Variants in PIGU observed in about 807,000 individuals in gnomAD.
PIGU encodes the protein phosphatidylinositol glycan anchor biosynthesis class U.
PIGU carries 24 observed loss-of-function variants against 49.9 expected under a neutral mutation model. The observed-to-expected ratio is 0.48, with a 90% CI of 0.35 to 0.68. The LOEUF is 0.68. PIGU is among the 30% of genes least tolerant of loss of function. The pLI is 0.01. For synonymous variants in PIGU, 220 were observed against 205.7 expected (o/e 1.07, Z -0.59); for missense variants, 490 against 532.6 (o/e 0.92, Z 0.79).
chr20:34,585,456 G>A lies in PIGU; in HGVS notation c.907C>T (p.Pro303Ser). 1 of 1,614,190 alleles carries A rather than the reference G, an allele frequency of 6.2e-7. No individual in the cohort carries two copies. The highest frequency in any genetic ancestry group is 8.5e-7 in the Non-Finnish European group (1 of 1,179,996). Residue 303 changes from proline (P) to serine (S), a missense_variant, in exon 9 of 12, where the codon CCC becomes TCC. Physicochemically the swap from Pro to Ser is moderately conservative, Grantham distance 74. Transcript: ENST00000217446. ...FQINVFFYTIPLAIKLKEHPI... is the reference protein window; with the variant it reads ...FQINVFFYTISLAIKLKEHPI... Reference sequence around the variant, plus strand: ...ACTTACTTTAGCTTTATGGCTAAGGGGATGGTGTAGAAGAAGACGTTGATC... The same window carrying A: ...ACTTACTTTAGCTTTATGGCTAAGGAGATGGTGTAGAAGAAGACGTTGATC...
chr20:34,645,422 T>C, intron 2 of PIGU, 88 bp from the exon 3 acceptor site: 2 of 1,407,710 alleles, frequency 1.4e-6, no homozygotes, highest in Non-Finnish European at 1.9e-6. Flanking sequence ...AGAAAACTAT[T>C]ATGTCAGCAA....
At chr20:34,618,877 C>T (rs1985105302) in intron 6 of PIGU, among the ~76,000 whole-genome samples, 1 of 152,206 alleles carries the variant, frequency 6.6e-6, no homozygotes, top group Non-Finnish European at 1.5e-5. Context: ...TACCCCTCTG[C>T]TAATCCAGCT....
At chr20:34,564,132 G>A (rs1036566488) in intron 11 of PIGU, among the ~76,000 whole-genome samples, 2 of 152,172 alleles carry the variant, frequency 1.3e-5, no homozygotes, top group Non-Finnish European at 2.9e-5. Context: ...TGGACCTCTC[G>A]ATGGGGTCCT....
intron 1 of PIGU, among the ~76,000 whole-genome samples, chr20:34,660,333 C>A (rs971982249): frequency 1.3e-5 from 2 of 152,058 alleles, no homozygotes; most frequent in African/African-American, 2.4e-5. Context: ...GCCTGTAATC[C>A]CAGCACTTTG....
At chr20:34,571,577 T>A (rs552465590) in intron 11 of PIGU, among the ~76,000 whole-genome samples, 2 of 152,224 alleles carry the variant, frequency 1.3e-5, no homozygotes, top group East Asian at 3.9e-4. Context: ...CCAGGCACCT[T>A]CCTAGCTCAC....
chr20:34,574,446 T>C (rs1017252412), intron 11 of PIGU, among the ~76,000 whole-genome samples: 1 of 152,156 alleles, frequency 6.6e-6, no homozygotes, highest in African/African-American at 2.4e-5. Flanking sequence ...AGGATTTTGA[T>C]TGAGAATCCT....
At chr20:34,593,434 A>T (rs530938437) in intron 7 of PIGU, among the ~76,000 whole-genome samples, 2 of 152,306 alleles carry the variant, frequency 1.3e-5, no homozygotes, top group African/African-American at 2.4e-5. Context: ...AACACTGATT[A>T]AAAAAATCAT....
At chr20:34,615,895 T>C (rs1425350143) in intron 7 of PIGU, 147 bp downstream of exon 7, 23 of 1,326,590 alleles carry the variant, frequency 1.7e-5, no homozygotes, top group Non-Finnish European at 2.3e-5. Context: ...TGTTTAAAGT[T>C]AGTCAAGTTT....
intron 6 of PIGU, among the ~76,000 whole-genome samples, chr20:34,621,725 G>C (rs1344619964): frequency 6.6e-6 from 1 of 152,178 alleles, no homozygotes; most frequent in African/African-American, 2.4e-5. Flanking sequence ...AGGAAAGTGA[G>C]AAGTGACTTC....
At chr20:34,600,814 C>A (rs1173228493) in intron 7 of PIGU, among the ~76,000 whole-genome samples, 1 of 152,112 alleles carries the variant, frequency 6.6e-6, no homozygotes, top group African/African-American at 2.4e-5. Flanking sequence ...GCAGGTAGAT[C>A]ACCTGAGGTT....
chr20:34,638,434 G>A (rs1028708534), intron 4 of PIGU, among the ~76,000 whole-genome samples: 4 of 152,308 alleles, frequency 2.6e-5, no homozygotes, highest in Middle Eastern at 3.4e-3. Context: ...AGAGTTCCAT[G>A]AGGGCAGGGA....
At chr20:34,627,254 T>C (rs957929737) in intron 6 of PIGU, among the ~76,000 whole-genome samples, 2 of 152,186 alleles carry the variant, frequency 1.3e-5, no homozygotes, top group Non-Finnish European at 2.9e-5. Flanking sequence ...ATTTATAGGT[T>C]TGAATTTCTT....
chr20:34,645,467 G>C (rs1986313032), intron 2 of PIGU, 133 bp from the exon 3 acceptor site: 1 of 1,222,954 alleles, frequency 8.2e-7, no homozygotes, highest in African/African-American at 1.6e-5. Flanking sequence ...CTGGAATACT[G>C]TTCTACGCCA....
intron 7 of PIGU, among the ~76,000 whole-genome samples, chr20:34,608,228 C>T (rs1984688799): frequency 6.6e-6 from 1 of 152,084 alleles, no homozygotes; most frequent in Admixed American, 6.5e-5. Flanking sequence ...GCACCCACCA[C>T]CATGCCTGGC....
chr20:34,576,336 A>G (rs1199256298), intron 10 of PIGU, among the ~76,000 whole-genome samples: 2 of 152,246 alleles, frequency 1.3e-5, no homozygotes, highest in African/African-American at 2.4e-5. Flanking sequence ...CACTGGCTAC[A>G]TTAGTTTTCC....
chr20:34,563,157 A>T (rs983025649), intron 11 of PIGU, among the ~76,000 whole-genome samples: 1 of 152,228 alleles, frequency 6.6e-6, no homozygotes, highest in Admixed American at 6.5e-5. Context: ...GTACACATGG[A>T]AAAGTAAGCA....
intron 1 of PIGU, among the ~76,000 whole-genome samples, chr20:34,668,012 T>C (rs1331519051): frequency 6.6e-6 from 1 of 152,062 alleles, no homozygotes; most frequent in Non-Finnish European, 1.5e-5. Context: ...CAAAATCCAT[T>C]ACCTCCGTCA....
At chr20:34,590,092 C>A (rs1312948402) in intron 7 of PIGU, among the ~76,000 whole-genome samples, 1 of 149,214 alleles carries the variant, frequency 6.7e-6, no homozygotes, top group African/African-American at 2.5e-5. Context: ...AAAATGTTTT[C>A]CTCAAAAAAA....
At chr20:34,650,906 G>A (rs1986523871) in intron 2 of PIGU, among the ~76,000 whole-genome samples, 2 of 151,028 alleles carry the variant, frequency 1.3e-5, no homozygotes, top group East Asian at 2.0e-4. Flanking sequence ...TAGAGACAGC[G>A]TTTCACTATG....
Sources: allele counts gnomAD v4.1 joint callset (sites outside exome capture counted in the v4.1 genomes callset), GRCh38; gene constraint gnomAD v4.1.1; transcripts MANE v1.5; gene names NCBI Gene and HGNC (gene_info 2026-07-23, HGNC 2026-07-21).